The following SCAPER variants were observed in gnomAD, a reference collection of about 807,000 sequenced individuals.
SCAPER encodes S phase cyclin A-associated protein in the endoplasmic reticulum.
A neutral mutation model predicts 182.2 loss-of-function variants in SCAPER; 98 were observed. The observed-to-expected ratio is 0.54, with a 90% CI of 0.46 to 0.64. The LOEUF (loss-of-function observed/expected upper bound fraction) is 0.64, where lower values mean the gene tolerates loss of function less well. Ranked by LOEUF, SCAPER falls within the 30% of genes least tolerant of loss-of-function variation. The pLI is 0.00. For missense variants in SCAPER, 1,432 were observed against 1,690.0 expected (o/e 0.85, Z 2.68); for synonymous variants, 605 against 564.6 (o/e 1.07, Z -1.01).
At position 76,811,810 on chromosome 15, in the gene SCAPER, T is replaced by TA. The variant is rs200482628; in HGVS notation, c.394-7178dup. Among the ~76,000 whole-genome samples the TA allele has an allele frequency of 6.3e-4, 91 of 144,204 alleles. 1 individual carries two copies. Among genetic ancestry groups the TA allele is most frequent in the Middle Eastern group, 3.6e-3 (1 of 278 alleles). 94.6% of individuals were successfully genotyped at this position (144,204 alleles called of 152,430 possible). The stretch of plus-strand genomic sequence containing the variant: ...CCTCAAAAAATAAAAAATAAAAAAA[T>TA]AAAAAAAATAAAATAAAAAAGGGAA... On this transcript the variant is annotated intron_variant, in intron 5 of 31. Coordinates refer to ENST00000563290, the MANE Select transcript of SCAPER (RefSeq NM_020843.4).
At chr15:76,461,044 A>C (rs2049132191) in intron 25 of SCAPER, among the ~76,000 whole-genome samples, 1 of 152,112 alleles carries the variant, frequency 6.6e-6, no homozygotes, top group South Asian at 2.1e-4. Flanking sequence ...ATACCTCTTT[A>C]GTCTCCTCTA....
At chr15:76,457,264 TG>T (rs1172032516) in intron 25 of SCAPER, among the ~76,000 whole-genome samples, 3 of 151,968 alleles carry the variant, frequency 2.0e-5, no homozygotes, top group African/African-American at 7.2e-5. Flanking sequence ...GGGGTTTCAC[TG>T]TGTTAGCCAG....
chr15:76,491,857 C>A (rs1007479661), intron 24 of SCAPER, among the ~76,000 whole-genome samples: 1 of 152,200 alleles, frequency 6.6e-6, no homozygotes, highest in African/African-American at 2.4e-5. Flanking sequence ...GTCTTGAACT[C>A]TTGGCCTCAA....
chr15:76,735,847 C>G (rs2061234199), intron 15 of SCAPER, among the ~76,000 whole-genome samples: 1 of 129,852 alleles, frequency 7.7e-6, no homozygotes, highest in Non-Finnish European at 1.7e-5. Flanking sequence ...AAACAACATA[C>G]AGTAGTATGT....
intron 20 of SCAPER, among the ~76,000 whole-genome samples, chr15:76,698,708 A>G (rs918117608): frequency 1.3e-5 from 2 of 152,246 alleles, no homozygotes; most frequent in African/African-American, 4.8e-5. Flanking sequence ...AAATTCTTCC[A>G]AGTTAAAAAA....
intron 29 of SCAPER, among the ~76,000 whole-genome samples, chr15:76,367,794 C>A (rs147206234): frequency 6.6e-6 from 1 of 152,136 alleles, no homozygotes; most frequent in African/African-American, 2.4e-5. Context: ...ATGCAATTGG[C>A]CAAAATTGCT....
chr15:76,628,925 G>C (rs2052832267), intron 21 of SCAPER, among the ~76,000 whole-genome samples: 1 of 152,148 alleles, frequency 6.6e-6, no homozygotes, highest in South Asian at 2.1e-4. Flanking sequence ...TTTTCCATTT[G>C]TTTGTGTCTG....
At chr15:76,430,547 T>C (rs559824327) in intron 26 of SCAPER, among the ~76,000 whole-genome samples, 37 of 152,356 alleles carry the variant, frequency 2.4e-4, no homozygotes, top group Non-Finnish European at 4.9e-4. Context: ...TTTGGAGCTT[T>C]AAGATCTGAC....
chr15:76,571,847 T>C (rs1156938958), intron 23 of SCAPER, among the ~76,000 whole-genome samples: 1 of 152,196 alleles, frequency 6.6e-6, no homozygotes, highest in African/African-American at 2.4e-5. Flanking sequence ...ACTGAAATCA[T>C]AAATATCATC....
At position 76,621,837 on chromosome 15, in the gene SCAPER, GAA is replaced by G. The variant is rs749399553; in HGVS notation, c.2646-10_2646-9del. On this transcript the variant is annotated splice_polypyrimidine_tract_variant and intron_variant, in intron 21 of 31. Transcript: ENST00000563290. ...CTCTCATATTCCTTAGCCCTGAAGA[GAA>G]AAAAAGTTTTAACACAGTTATTTCA... 1 of 1,588,728 alleles carries G rather than the reference GAA, an allele frequency of 6.3e-7. No individual in the cohort carries two copies.
At chr15:76,591,216 C>T (rs959513018) in intron 22 of SCAPER, among the ~76,000 whole-genome samples, 11 of 150,490 alleles carry the variant, frequency 7.3e-5, no homozygotes, top group African/African-American at 2.7e-4. Flanking sequence ...AATGCAGGGT[C>T]CTTCATTCAA....
At chr15:76,618,241 T>C (rs769692713) in intron 22 of SCAPER, among the ~76,000 whole-genome samples, 8 of 152,278 alleles carry the variant, frequency 5.3e-5, no homozygotes, top group South Asian at 2.1e-4. Context: ...GCCTGGGTGA[T>C]AGAGTGAGAC....
At chr15:76,769,840 G>A (rs1034256593) in intron 10 of SCAPER, among the ~76,000 whole-genome samples, 20 of 151,972 alleles carry the variant, frequency 1.3e-4, no homozygotes, top group Admixed American at 7.9e-4. Flanking sequence ...TTGACCCAGC[G>A]ATCCCATTAC....
At chr15:76,830,463 T>C (rs1313029791) in intron 5 of SCAPER, among the ~76,000 whole-genome samples, 3 of 152,176 alleles carry the variant, frequency 2.0e-5, no homozygotes, top group Non-Finnish European at 4.4e-5. Context: ...AAGCATTTTA[T>C]GACAGCTTGG....
intron 29 of SCAPER, among the ~76,000 whole-genome samples, chr15:76,367,326 C>G (rs2041878577): frequency 6.6e-6 from 1 of 152,174 alleles, no homozygotes; most frequent in African/African-American, 2.4e-5. Context: ...GAGAGGTGTT[C>G]CCTGTGATTA....
At chr15:76,688,843 CTTTT>C (rs71143353) in intron 20 of SCAPER, among the ~76,000 whole-genome samples, 72 of 92,392 alleles carry the variant, frequency 7.8e-4, no homozygotes, top group Admixed American at 2.0e-3. Flanking sequence ...AAATGCCTCT[CTTTT>C]TTTTTTTTTT....
chr15:76,748,376 T>G (rs1327872664), intron 15 of SCAPER, among the ~76,000 whole-genome samples: 1 of 152,072 alleles, frequency 6.6e-6, no homozygotes, highest in African/African-American at 2.4e-5. Flanking sequence ...GTCTTTACAA[T>G]TTAAATATAA....
At chr15:76,772,112 T>A (rs1229338819) in intron 9 of SCAPER, among the ~76,000 whole-genome samples, 158 bp from the exon 10 acceptor site, 3 of 152,034 alleles carry the variant, frequency 2.0e-5, no homozygotes, top group Non-Finnish European at 4.4e-5. Context: ...ATGTTTCAAG[T>A]GTAACAAAAG....
At chr15:76,870,913 C>T (rs1307468463) in intron 2 of SCAPER, among the ~76,000 whole-genome samples, 2 of 151,436 alleles carry the variant, frequency 1.3e-5, no homozygotes, top group African/African-American at 4.9e-5. Context: ...AAAAGACAAA[C>T]GATAGACATA....
Sources: allele counts gnomAD v4.1 joint callset (sites outside exome capture counted in the v4.1 genomes callset), GRCh38; gene constraint gnomAD v4.1.1; transcripts MANE v1.5; gene names NCBI Gene and HGNC (gene_info 2026-07-23, HGNC 2026-07-21).